Variants in PCDHA2 observed in about 807,000 individuals in gnomAD.
The protein encoded by PCDHA2 is protocadherin alpha 2, also known as protocadherin alpha-2.
A neutral mutation model predicts 66.0 loss-of-function variants in PCDHA2; 58 were observed. The observed-to-expected ratio is 0.88, with a 90% CI of 0.71 to 1.09. PCDHA2 has a LOEUF of 1.09. PCDHA2 is among the 50% of genes least tolerant of loss of function. PCDHA2 has a pLI of 0.00. For missense variants in PCDHA2, 1,267 were observed against 1,242.3 expected (o/e 1.02, Z -0.30); for synonymous variants, 634 against 554.0 (o/e 1.14, Z -2.03).
At chr5:140,966,638 T>A in intron 1 of PCDHA2, 2 of 1,090,114 alleles carry the variant, frequency 1.8e-6, no homozygotes, top group South Asian at 2.2e-5. Flanking sequence ...CCAGGCGCTT[T>A]CTAGAGCGTG....
Position 140,882,982 on chromosome 5 carries a change from C to T in PCDHA2, c.2388+85630C>T, listed in dbSNP as rs139888237. 2.9e-5 allele frequency: 47 copies of T among 1,614,148 alleles called. No individual in the cohort carries two copies. The East Asian group carries it at 3.6e-4, about 12-fold the overall frequency. On this transcript the variant is annotated intron_variant, in intron 1 of 3. Coordinates refer to ENST00000526136, the MANE Select transcript of PCDHA2 (RefSeq NM_018905.3). The stretch of plus-strand genomic sequence containing the variant: ...TCACGATTCTGGACGTGAATGACAA[C>T]GCCCCGGAATTTTACCAATCCGTTT...
chr5:140,805,594 A>G (rs1391183076), intron 1 of PCDHA2: 15 of 928,000 alleles, frequency 1.6e-5, no homozygotes, highest in Non-Finnish European at 1.8e-5. Flanking sequence ...TTATGTCTTT[A>G]TATATTAAAT....
intron 1 of PCDHA2, 75 bp downstream of exon 1, chr5:140,797,427 T>A: frequency 1.4e-6 from 2 of 1,440,942 alleles, no homozygotes; most frequent in Non-Finnish European, 1.9e-6. Context: ...CTACTAGTTA[T>A]TTAGATTCAT....
Position 140,870,561 on chromosome 5 carries a change from C to A in PCDHA2, c.2388+73209C>A, listed in dbSNP as rs544569992. On this transcript the variant is annotated intron_variant, in intron 1 of 3. Transcript: ENST00000526136. Reference sequence around the variant, plus strand: ...CGCGGGACGCGGACGCGCAGGAGAACGCGCTGGTGTCCTACTCGCTGGTGG... The same window carrying A: ...CGCGGGACGCGGACGCGCAGGAGAAAGCGCTGGTGTCCTACTCGCTGGTGG... 86 of 1,614,010 alleles carry A rather than the reference C, an allele frequency of 5.3e-5. No homozygotes were observed. In the East Asian group the frequency reaches 1.7e-3, roughly 33 times the overall value.
intron 1 of PCDHA2, among the ~76,000 whole-genome samples, chr5:140,964,886 T>C (rs529789945): frequency 6.6e-6 from 1 of 152,306 alleles, no homozygotes; most frequent in South Asian, 2.1e-4. Context: ...GCAGCAGTGA[T>C]AGGAGGCTGG....
chr5:140,949,685 G>A (rs1044878374), intron 1 of PCDHA2, among the ~76,000 whole-genome samples: 4 of 151,794 alleles, frequency 2.6e-5, no homozygotes, highest in East Asian at 1.9e-4. Flanking sequence ...TTGTTGAAGC[G>A]TATTGTTGGA....
intron 1 of PCDHA2, chr5:140,849,050 CAA>C: frequency 6.4e-7 from 1 of 1,560,214 alleles, no homozygotes. Context: ...TGCCAACCAG[CAA>C]CCAGCAGGTA....
rs1186272048 is a variant in PCDHA2, at chr5:140,851,988, ATTTG to A, written c.2388+54644_2388+54647del. ...CCACACTCTACCTTTAGTGCAAGCT[ATTTG>A]TTTGTTTTCTAATTTATAGTTTTAA... On this transcript the variant is annotated intron_variant, in intron 1 of 3. Coordinates refer to ENST00000526136, the MANE Select transcript of PCDHA2 (RefSeq NM_018905.3). The A allele has an allele frequency of 2.0e-6, 2 of 975,736 alleles. 1 individual carries two copies. Among genetic ancestry groups the A allele is most frequent in the African/African-American group, 3.5e-5 (2 of 56,556 alleles). 60.4% of individuals were successfully genotyped at this position (975,736 alleles called of 1,614,324 possible).
chr5:140,856,311 G>C, intron 1 of PCDHA2: 1 of 1,598,566 alleles, frequency 6.3e-7, no homozygotes, highest in Non-Finnish European at 8.6e-7. Context: ...GTGAATTCTC[G>C]GATTGACCGC....
At chr5:140,829,136 G>C in intron 1 of PCDHA2, 12 of 1,613,236 alleles carry the variant, frequency 7.4e-6, no homozygotes, top group Non-Finnish European at 1.0e-5. Context: ...TAACGTCCCT[G>C]AGATAGCACT....
At chr5:140,968,770 A>G in intron 1 of PCDHA2, 2 of 1,614,216 alleles carry the variant, frequency 1.2e-6, no homozygotes, top group Non-Finnish European at 1.7e-6. Context: ...ATGGAGAGCC[A>G]TCACTATCAG....
intron 1 of PCDHA2, chr5:140,835,675 G>C (rs2150241595): frequency 6.2e-7 from 1 of 1,613,918 alleles, no homozygotes; most frequent in South Asian, 1.1e-5. Context: ...CGGGACGGGG[G>C]CTCGCCTTCT....
chr5:140,913,138 T>C (rs1367874502), intron 1 of PCDHA2, among the ~76,000 whole-genome samples: 1 of 152,204 alleles, frequency 6.6e-6, no homozygotes, highest in East Asian at 1.9e-4. Flanking sequence ...CTCTACTTTT[T>C]GGAATAGTTT....
rs374697403 is a variant in PCDHA2 at position 140,805,171 on chromosome 5, A to C, written c.2388+7819A>C. 5.5e-5 allele frequency: 84 copies of C among 1,514,604 alleles called. No homozygotes were observed. In the East Asian group the frequency reaches 9.4e-4, roughly 17 times the overall value. The allele number at this position is 1,514,604 out of a possible 1,614,324, so 93.8% of individuals were successfully genotyped here. On this transcript the variant is annotated intron_variant, in intron 1 of 3. Coordinates refer to ENST00000526136, the MANE Select transcript of PCDHA2 (RefSeq NM_018905.3). ...GAATTTTCACTTCACAGATGTACTGATGCTATGCCAAATAAATATTGAATA... is the reference window on the plus strand; with the variant it reads ...GAATTTTCACTTCACAGATGTACTGCTGCTATGCCAAATAAATATTGAATA...
rs1467294389 is a variant in PCDHA2 at position 140,851,714 on chromosome 5, C to T, written c.2388+54362C>T. ...TAAAATGATCAGCCATGTGAAGATT[C>T]GAAACTTCGAGTTCTTTTGAAATTC... On this transcript the variant is annotated intron_variant, in intron 1 of 3. Coordinates refer to ENST00000526136, the MANE Select transcript of PCDHA2 (RefSeq NM_018905.3). The T allele has an allele frequency of 2.3e-5, 22 of 961,800 alleles. 2 individuals are homozygous for T. The highest frequency in any genetic ancestry group is 9.6e-5 in the South Asian group (2 of 20,808). The allele number at this position is 961,800 out of a possible 1,614,324, so 59.6% of individuals were successfully genotyped here.
intron 1 of PCDHA2, chr5:140,870,212 T>C (rs2051764636): frequency 6.2e-7 from 1 of 1,614,076 alleles, no homozygotes; most frequent in Non-Finnish European, 8.5e-7. Context: ...GTCATTGCCC[T>C]GATCAGCGTG....
chr5:140,877,776 C>A (rs2057336039), intron 1 of PCDHA2: 3 of 1,614,032 alleles, frequency 1.9e-6, no homozygotes, highest in South Asian at 1.1e-5. Context: ...CCAAGACGGA[C>A]CTCATGGCCT....
intron 1 of PCDHA2, chr5:140,808,752 C>T (rs1554124761): frequency 6.2e-7 from 1 of 1,612,236 alleles, no homozygotes; most frequent in Admixed American, 1.7e-5. Flanking sequence ...GCGCTGCAGC[C>T]GCTGGACCAC....
chr5:140,869,137 C>G, intron 1 of PCDHA2: 3 of 1,613,116 alleles, frequency 1.9e-6, no homozygotes, highest in African/African-American at 1.3e-5. Context: ...ATTGGGCACC[C>G]CACGACTACA....
Sources: allele counts gnomAD v4.1 joint callset (sites outside exome capture counted in the v4.1 genomes callset), GRCh38; gene constraint gnomAD v4.1.1; transcripts MANE v1.5; gene names NCBI Gene and HGNC (gene_info 2026-07-23, HGNC 2026-07-21).